PTPRN: variants seen among roughly 807,000 people sequenced by gnomAD.
PTPRN encodes receptor-type tyrosine-protein phosphatase-like N.
Under a neutral mutation model 108.5 loss-of-function variants are expected in PTPRN, and 70 were observed. That is an observed-to-expected ratio of 0.65 (90% CI 0.53 to 0.79). The LOEUF is 0.79. Ranked by LOEUF, PTPRN falls within the 30% of genes least tolerant of loss-of-function variation. The probability of loss-of-function intolerance (pLI) is 0.00; values close to 1 mark genes in which losing one functional copy is unlikely to be tolerated. For synonymous variants in PTPRN, 496 were observed against 524.6 expected, an observed-to-expected ratio of 0.95 and a Z score of 0.75; for missense variants, 1,136 against 1,295.5, an observed-to-expected ratio of 0.88 and a Z score of 1.89.
rs549061357 is a variant in PTPRN, at chr2:219,299,292, C to A, written c.1603+13G>T. On this transcript the variant is annotated intron_variant, in intron 11 of 22. Transcript: ENST00000295718. ...GGGGCCAAGCCTGGGATTGAGGTCG[C>A]AGAGATATTTACCTGCTTGTTGGGT... The A allele has an allele frequency of 1.4e-5, 23 of 1,613,780 alleles. No individual in the cohort carries two copies. The highest frequency in any genetic ancestry group is 1.9e-5 in the Non-Finnish European group (23 of 1,179,632).
At chr2:219,291,219 A>T (rs935530795) in intron 20 of PTPRN, among the ~76,000 whole-genome samples, 3 of 152,156 alleles carry the variant, frequency 2.0e-5, no homozygotes, top group Admixed American at 1.3e-4. Flanking sequence ...CTTTTTGTGT[A>T]TAGGGGGCCA....
At chr2:219,307,588 G>T (rs769841092) in intron 2 of PTPRN, 31 bp from the exon 3 acceptor site, 2 of 1,593,762 alleles carry the variant, frequency 1.3e-6, no homozygotes, top group East Asian at 4.5e-5. Flanking sequence ...TCAGCAGGGG[G>T]CTTGAATAAG....
chr2:219,307,946 C>T, intron 1 of PTPRN, 104 bp from the exon 2 acceptor site: 2 of 1,169,992 alleles, frequency 1.7e-6, no homozygotes, highest in Non-Finnish European at 2.5e-6. Flanking sequence ...TTTATTCTTT[C>T]ATTCTAAAGA....
chr2:219,290,668 C>T lies in PTPRN; in HGVS notation c.2795-57G>A. ...GGGGGTGTCCAGAGGAGGACAGGAC[C>T]CAGAAAACCTGAGGCCTCCTGGAGG... On this transcript the variant is annotated intron_variant, in intron 21 of 22. Coordinates refer to ENST00000295718, the MANE Select transcript of PTPRN (RefSeq NM_002846.4). The surrounding 1 kb of genome is among the most constrained non-coding windows in gnomAD (Gnocchi z 4.2). The T allele has an allele frequency of 1.3e-6, 2 of 1,512,356 alleles. No homozygotes were observed. Among genetic ancestry groups the T allele is most frequent in the Non-Finnish European group, 1.8e-6 (2 of 1,110,798 alleles). 93.7% of individuals were successfully genotyped at this position (1,512,356 alleles called of 1,614,324 possible). A position where few individuals can be genotyped will look rare whatever the true frequency, so the allele number is the denominator to read the frequency against.
chr2:219,299,495 G>A, intron 10 of PTPRN, 111 bp from the exon 11 acceptor site: 1 of 1,326,264 alleles, frequency 7.5e-7, no homozygotes, highest in Non-Finnish European at 1.1e-6. Flanking sequence ...AGCAGATCGG[G>A]GATGCCCTAC....
In PTPRN at chr2:219,309,283, C is replaced by T. The variant is rs776176698; in HGVS notation, c.50G>A (p.Arg17Gln). ...CAGCAGCAGGAGGCAGAGGAGCAGC[C>T]GGAGACCCCCGGATCCCCCGAGACC... ...PGGLGGSGGLRLLLCLLLLSS... is the reference protein window; with the variant it reads ...PGGLGGSGGLQLLLCLLLLSS... Residue 17 changes from arginine (R) to glutamine (Q), a missense_variant, in exon 1 of 23, where the codon CGG (arginine) becomes CAG (glutamine). By Grantham distance (43) the Arg-to-Gln change is conservative. Coordinates refer to ENST00000295718, the MANE Select transcript of PTPRN (RefSeq NM_002846.4). 1 of 1,531,112 alleles carries T rather than the reference C, an allele frequency of 6.5e-7. No homozygotes were observed. Among genetic ancestry groups the T allele is most frequent in the South Asian group, 1.2e-5 (1 of 83,636 alleles). 94.8% of individuals were successfully genotyped at this position (1,531,112 alleles called of 1,614,324 possible).
rs1952250525 is a variant in PTPRN, at chr2:219,298,180, G to C, written c.1669-77C>G. 6.4e-6 allele frequency: 9 copies of C among 1,402,816 alleles called. No individual in the cohort carries two copies. In the East Asian group the frequency reaches 2.1e-4, roughly 32 times the overall value. The allele number at this position is 1,402,816 out of a possible 1,614,324, so 86.9% of individuals were successfully genotyped here. ...GAGCTGCTCCTCACCCCGGTCCCAT[G>C]CCACACCCCCTGTTAGGACATCTCC... On this transcript the variant is annotated intron_variant, in intron 12 of 22. Transcript: ENST00000295718.
chr2:219,307,840 A>C lies in PTPRN; in HGVS notation c.118T>G (p.Cys40Gly), dbSNP rs1282209325. 1 of 1,614,200 alleles carries C rather than the reference A, an allele frequency of 6.2e-7. No individual in the cohort carries two copies. The highest frequency in any genetic ancestry group is 8.5e-7 in the Non-Finnish European group (1 of 1,180,004). ...GGCSAVSAHG[C>G]LFDRRLCSHL... ...GAGCAGAGCCTGCGGTCAAATAGACAGCCTGTAGAGGAAAAGGTGAGCAGA... is the reference window on the plus strand; with the variant it reads ...GAGCAGAGCCTGCGGTCAAATAGACCGCCTGTAGAGGAAAAGGTGAGCAGA... The change falls in exon 2 of 23, where the codon TGT (cysteine) becomes GGT (glycine). Residue 40 changes from cysteine to glycine, a missense_variant and splice_region_variant. Coordinates refer to ENST00000295718, the MANE Select transcript of PTPRN (RefSeq NM_002846.4).
chr2:219,300,251 C>T lies in PTPRN; in HGVS notation c.1170G>A (p.Glu390=). The change falls in exon 9 of 23, where the codon GAG becomes GAA. Residue 390 remains glutamate, a synonymous_variant. Coordinates refer to ENST00000295718, the MANE Select transcript of PTPRN (RefSeq NM_002846.4). ...NVGADIKKTM[E]GPVEGRDTAE... is the part of the protein sequence containing the mutation. ...CTGTGTCTCTGCCCTCCACCGGCCC[C>T]TCCATTGTCTGTTCAGAAGAGGGTG... 6.4e-7 allele frequency: 1 copy of T among 1,567,180 alleles called. No homozygotes were observed. The highest frequency in any genetic ancestry group is 8.7e-7 in the Non-Finnish European group (1 of 1,155,246).
In PTPRN at chr2:219,297,551, C is replaced by T; in HGVS notation, c.1888-118G>A. On this transcript the variant is annotated intron_variant, in intron 13 of 22. Transcript: ENST00000295718. This position sits in a 1 kb window ranked among gnomAD's most constrained non-coding sequence, Gnocchi z 6.0. The stretch of plus-strand genomic sequence containing the variant: ...ACTGATTTTCAGTGGAACTCAGCTC[C>T]TCTGGGGTATGGTCTTCTGCCTGGC... 2 of 1,018,956 alleles carry T rather than the reference C, an allele frequency of 2.0e-6. No homozygotes were observed. Among genetic ancestry groups the T allele is most frequent in the Middle Eastern group, 2.4e-4 (1 of 4,252 alleles). The allele number at this position is 1,018,956 out of a possible 1,614,324, so 63.1% of individuals were successfully genotyped here. A position where few individuals can be genotyped will look rare whatever the true frequency, so the allele number is the denominator to read the frequency against.
intron 19 of PTPRN, chr2:219,294,063 C>T: frequency 1.9e-6 from 1 of 519,972 alleles, no homozygotes; most frequent in Non-Finnish European, 3.9e-6. Flanking sequence ...CCCTTGCTCC[C>T]AGCTCGGGGT....
chr2:219,290,314 G>A lies in PTPRN; in HGVS notation c.2869-17C>T. ...AAACTGGTCCTGAGGAAGGGCAGTG[G>A]TAGGATGGTCATGGAGAGGGCTGAC... On this transcript the variant is annotated splice_polypyrimidine_tract_variant and intron_variant, in intron 22 of 22. Transcript: ENST00000295718. This position sits in a 1 kb window ranked among gnomAD's most constrained non-coding sequence, Gnocchi z 4.2. 1.2e-6 allele frequency: 2 copies of A among 1,612,230 alleles called. No homozygotes were observed. The highest frequency in any genetic ancestry group is 1.7e-6 in the Non-Finnish European group (2 of 1,178,690).
intron 1 of PTPRN, chr2:219,309,001 T>G: frequency 6.6e-7 from 1 of 1,518,146 alleles, no homozygotes. Context: ...CAGAGCCCAA[T>G]TCTCTTAGGT....
rs1952035749 is a variant in PTPRN at position 219,290,797 on chromosome 2, G to A, written c.2794+29C>T. On this transcript the variant is annotated intron_variant, in intron 21 of 22. Transcript: ENST00000295718. This position sits in a 1 kb window ranked among gnomAD's most constrained non-coding sequence, Gnocchi z 4.2. ...GGGAGCCTCTAAAAAGGGCCTGGGG[G>A]CTGCGGGCACCGTGGGGAAGCTCCC... is the stretch of plus-strand genomic sequence containing the variant. The A allele has an allele frequency of 6.2e-7, 1 of 1,609,228 alleles. No individual in the cohort carries two copies. The highest frequency in any genetic ancestry group is 1.3e-5 in the African/African-American group (1 of 74,792).
At chr2:219,307,680 C>T in intron 2 of PTPRN, 112 bp downstream of exon 2, 2 of 1,485,752 alleles carry the variant, frequency 1.3e-6, no homozygotes, top group Non-Finnish European at 1.9e-6. Context: ...GCAAGTCTTC[C>T]TTCTTCTCAA....
rs1250972714 is a variant in PTPRN at position 219,290,887 on chromosome 2, A to C, written c.2733T>G (p.Asp911Glu). The stretch of plus-strand genomic sequence containing the variant: ...TGTAGGTGCCGGTCCTCCCCGCACC[A>C]TCACTGAAACAGGAGTTAGTGACAG... The part of the protein sequence containing the change: ...RSCPIIVHCS[D>E]GAGRTGTYIL... Residue 911 changes from aspartate to glutamate, a missense_variant, in exon 21 of 23, where the codon GAT (aspartate) becomes GAG (glutamate). Coordinates refer to ENST00000295718, the MANE Select transcript of PTPRN (RefSeq NM_002846.4). The surrounding 1 kb of genome is among the most constrained non-coding windows in gnomAD (Gnocchi z 4.2). The C allele has an allele frequency of 6.2e-7, 1 of 1,613,752 alleles. No homozygotes were observed. Among genetic ancestry groups the C allele is most frequent in the African/African-American group, 1.3e-5 (1 of 74,906 alleles).
chr2:219,296,654 G>T lies in PTPRN; in HGVS notation c.2310+95C>A. ...GATATCAGGCCCCACCACTCCAGGG[G>T]GTTGGTGGGGTGGCAGGTGACCACG... On this transcript the variant is annotated intron_variant, in intron 16 of 22. Transcript: ENST00000295718. This position sits in a 1 kb window ranked among gnomAD's most constrained non-coding sequence, Gnocchi z 6.0. 1 of 1,562,390 alleles carries T rather than the reference G, an allele frequency of 6.4e-7. No individual in the cohort carries two copies. The highest frequency in any genetic ancestry group is 8.8e-7 in the Non-Finnish European group (1 of 1,140,470).
At chr2:219,298,849 T>G (rs1490672352) in intron 12 of PTPRN, among the ~76,000 whole-genome samples, 198 bp downstream of exon 12, 1 of 152,230 alleles carries the variant, frequency 6.6e-6, no homozygotes, top group Non-Finnish European at 1.5e-5. Flanking sequence ...GGGCTGGTCC[T>G]GCAGGGAGGG....
Position 219,302,760 on chromosome 2 carries a change from G to C in PTPRN, c.455C>G (p.Ala152Gly). 1 of 1,613,760 alleles carries C rather than the reference G, an allele frequency of 6.2e-7. No homozygotes were observed. The highest frequency in any genetic ancestry group is 8.5e-7 in the Non-Finnish European group (1 of 1,179,934). ...LQDIPTGSAPAAQHRLPQPPV... is the reference protein window; with the variant it reads ...LQDIPTGSAPGAQHRLPQPPV... The stretch of plus-strand genomic sequence containing the variant: ...TGGTTGTGGAAGCCGATGCTGGGCA[G>C]CAGGGGCGGAGCCAGTGGGGATGTC... Residue 152 changes from alanine (A) to glycine (G), a missense_variant, in exon 5 of 23, where the codon GCT becomes GGT. Coordinates refer to ENST00000295718, the MANE Select transcript of PTPRN (RefSeq NM_002846.4).
Sources: allele counts gnomAD v4.1 joint callset (sites outside exome capture counted in the v4.1 genomes callset), GRCh38; gene constraint gnomAD v4.1.1; non-coding constraint Gnocchi (gnomAD v3.1); transcripts MANE v1.5; gene names NCBI Gene and HGNC (gene_info 2026-07-23, HGNC 2026-07-21).